Variants in PLCH1 observed in about 807,000 individuals in gnomAD.
PLCH1 encodes the protein phospholipase C eta 1.
A neutral mutation model predicts 126.7 loss-of-function variants in PLCH1; 60 were observed. The ratio of observed to expected loss-of-function variants is 0.47; its 90% CI spans 0.38 to 0.59. The LOEUF is 0.59. Among genes scored for constraint, PLCH1 ranks in the 20% least tolerant of loss-of-function variants. The pLI, the probability that PLCH1 is intolerant of heterozygous loss-of-function variation, is 0.00. For missense variants in PLCH1, 1,723 were observed against 2,040.0 expected, an observed-to-expected ratio of 0.84 and a Z score of 2.99; for synonymous variants, 719 against 734.9, an observed-to-expected ratio of 0.98 and a Z score of 0.35.
At chr3:155,571,977 A>G (rs542118784) in intron 6 of PLCH1, among the ~76,000 whole-genome samples, 1 of 152,278 alleles carries the variant, frequency 6.6e-6, no homozygotes, top group South Asian at 2.1e-4. Context: ...AACATTTTTT[A>G]TGATTACTTG....
At chr3:155,469,726 T>C (rs1379892412) in intron 21 of PLCH1, among the ~76,000 whole-genome samples, 1,801 of 151,840 alleles carry the variant, frequency 0.012, 38 homozygotes, top group African/African-American at 0.041. Context: ...CAGCTGGAGA[T>C]CTGAGAACGG....
At chr3:155,682,512 G>A (rs1343845959) in intron 2 of PLCH1, among the ~76,000 whole-genome samples, 1 of 152,192 alleles carries the variant, frequency 6.6e-6, no homozygotes, top group Non-Finnish European at 1.5e-5. Flanking sequence ...AATCCTATGT[G>A]ATGCTTTATA....
chr3:155,486,130 C>T (rs775401484), intron 21 of PLCH1: 18 of 1,496,428 alleles, frequency 1.2e-5, no homozygotes, highest in Non-Finnish European at 1.5e-5. Flanking sequence ...GAACAAAGCA[C>T]CATGCTGAGA....
At chr3:155,682,036 C>G (rs1051752427) in intron 2 of PLCH1, among the ~76,000 whole-genome samples, 33 of 152,174 alleles carry the variant, frequency 2.2e-4, no homozygotes, top group African/African-American at 8.0e-4. Context: ...CAGAGGGTAG[C>G]ACTATCCATT....
At chr3:155,546,371 G>A (rs1725283312) in intron 10 of PLCH1, among the ~76,000 whole-genome samples, 1 of 152,146 alleles carries the variant, frequency 6.6e-6, no homozygotes, top group African/African-American at 2.4e-5. Context: ...ACAAACCACT[G>A]CTCAAGGAAA....
At chr3:155,468,990 G>C (rs951633167) in intron 21 of PLCH1, among the ~76,000 whole-genome samples, 3 of 152,110 alleles carry the variant, frequency 2.0e-5, no homozygotes, top group Non-Finnish European at 4.4e-5. Flanking sequence ...TAGCACATGG[G>C]TCATTCTCAA....
intron 11 of PLCH1, among the ~76,000 whole-genome samples, chr3:155,521,053 A>G (rs1178136207): frequency 1.3e-5 from 2 of 152,162 alleles, no homozygotes; most frequent in Admixed American, 1.3e-4. Flanking sequence ...CTCAGGTATC[A>G]GCATGGCTAA....
intron 2 of PLCH1, among the ~76,000 whole-genome samples, chr3:155,646,806 A>G (rs1013945409): frequency 2.0e-5 from 3 of 152,072 alleles, no homozygotes; most frequent in Admixed American, 2.0e-4. Flanking sequence ...CGCTCTCTAT[A>G]CTCTGAAAAG....
In PLCH1 at chr3:155,480,918, G is replaced by A. The variant is rs1205921711; in HGVS notation, c.*50C>T. 2.8e-6 allele frequency: 4 copies of A among 1,416,208 alleles called. No homozygotes were observed. The highest frequency in any genetic ancestry group is 2.2e-5 in the Admixed American group (1 of 44,506). The allele number at this position is 1,416,208 out of a possible 1,614,324, so 87.7% of individuals were successfully genotyped here. ...AAGGAACTTATTTACTGAAAACTCT[G>A]ACATTCTACAGAATACCTTGAAAAC... On this transcript the variant is annotated 3_prime_UTR_variant, in exon 23 of 23. Coordinates refer to ENST00000460012, the MANE Select transcript of PLCH1 (RefSeq NM_014996.4).
chr3:155,523,086 C>T (rs1458651322), intron 11 of PLCH1, among the ~76,000 whole-genome samples: 16 of 152,182 alleles, frequency 1.1e-4, no homozygotes, highest in South Asian at 2.1e-4. Flanking sequence ...GCCATTTTCC[C>T]GCCTCAGCCT....
intron 2 of PLCH1, among the ~76,000 whole-genome samples, chr3:155,655,431 G>GA (rs71155060): frequency 3.0e-4 from 43 of 141,572 alleles, no homozygotes; most frequent in Admixed American, 6.9e-4. Context: ...AAACTTGTGA[G>GA]AAAAAAAAAA....
intron 2 of PLCH1, among the ~76,000 whole-genome samples, chr3:155,619,296 A>G (rs1410806832): frequency 1.3e-5 from 1 of 76,662 alleles, no homozygotes; most frequent in Non-Finnish European, 2.4e-5. Context: ...AGGGCAGTGT[A>G]CAGTACAGGA....
chr3:155,727,160 T>A (rs780114565), intron 1 of PLCH1, among the ~76,000 whole-genome samples: 1 of 152,006 alleles, frequency 6.6e-6, no homozygotes, highest in Non-Finnish European at 1.5e-5. Context: ...AAAATAAAAA[T>A]AAAAAAATAA....
intron 19 of PLCH1, among the ~76,000 whole-genome samples, chr3:155,489,119 T>C (rs1332256372): frequency 2.0e-5 from 3 of 152,222 alleles, no homozygotes; most frequent in Non-Finnish European, 2.9e-5. Flanking sequence ...TTATCTATAG[T>C]AGTGATCTAA....
At chr3:155,539,005 A>G (rs1723844768) in intron 10 of PLCH1, among the ~76,000 whole-genome samples, 2 of 152,134 alleles carry the variant, frequency 1.3e-5, no homozygotes, top group Non-Finnish European at 2.9e-5. Flanking sequence ...AAAATCCTCA[A>G]CCAAATACTA....
chr3:155,452,567 G>A (rs984042525), intron 21 of PLCH1, among the ~76,000 whole-genome samples: 3 of 152,042 alleles, frequency 2.0e-5, no homozygotes, highest in African/African-American at 4.8e-5. Flanking sequence ...TGTTAGTTAG[G>A]GTTATCAAGT....
At position 155,490,911 on chromosome 3, in the gene PLCH1, T is replaced by C. The variant is rs372409552; in HGVS notation, c.2308-43A>G. The C allele has an allele frequency of 8.7e-5, 91 of 1,048,592 alleles. No homozygotes were observed. In the African/African-American group the frequency reaches 9.6e-4, roughly 11 times the overall value. 65.0% of individuals were successfully genotyped at this position (1,048,592 alleles called of 1,614,324 possible). On this transcript the variant is annotated intron_variant, in intron 18 of 22. Transcript: ENST00000460012. ...AGTACTATTACAAATAACATATTTC[T>C]ATACATATGTTAATTAATCTGAGAA...
intron 11 of PLCH1, among the ~76,000 whole-genome samples, chr3:155,523,099 G>A (rs867224180): frequency 1.3e-5 from 2 of 152,046 alleles, no homozygotes; most frequent in East Asian, 1.9e-4. Context: ...CTCAGCCTCC[G>A]GAGTAGCTAG....
intron 2 of PLCH1, among the ~76,000 whole-genome samples, chr3:155,610,364 GAAA>G (rs569174791): frequency 2.5e-5 from 1 of 39,466 alleles, no homozygotes; most frequent in African/African-American, 1.3e-4. Flanking sequence ...TGCGTCTGGA[GAAA>G]AAAAAAAAAA....
Sources: gnomAD v4.1 joint callset for allele counts (sites outside exome capture counted in the v4.1 genomes callset) on GRCh38, gnomAD v4.1.1 for gene constraint, MANE v1.5 for transcripts, NCBI Gene and HGNC (gene_info 2026-07-23, HGNC 2026-07-21) for gene names.